The following SGCG variants were observed in gnomAD, a reference collection of about 807,000 sequenced individuals.
SGCG encodes gamma-sarcoglycan.
SGCG carries 26 observed loss-of-function variants against 29.3 expected under a neutral mutation model. That is an observed-to-expected ratio of 0.89 (90% CI 0.65 to 1.23). The LOEUF (loss-of-function observed/expected upper bound fraction) is 1.23, where lower values mean the gene tolerates loss of function less well. SGCG is among the 50% of genes most tolerant of loss of function. The pLI is 0.00. For synonymous variants in SGCG, 145 were observed against 129.7 expected (o/e 1.12, Z -0.80); for missense variants, 353 against 356.0 (o/e 0.99, Z 0.07).
intron 4 of SGCG, among the ~76,000 whole-genome samples, chr13:23,273,147 G>A (rs1342624450): frequency 6.8e-6 from 1 of 147,790 alleles, no homozygotes; most frequent in Non-Finnish European, 1.5e-5. Context: ...GACTCACTTT[G>A]TTGTTCTATT....
the SGCG span, among the ~76,000 whole-genome samples, chr13:23,161,470 T>C: frequency 1.3e-5 from 2 of 152,256 alleles, no homozygotes; most frequent in Non-Finnish European, 2.9e-5. Flanking sequence ...GGCTGTTCCT[T>C]AACACAGGTA....
At chr13:23,247,781 A>AT (rs1209242048) in intron 3 of SGCG, among the ~76,000 whole-genome samples, 1 of 91,288 alleles carries the variant, frequency 1.1e-5, no homozygotes, top group East Asian at 4.0e-4. Flanking sequence ...ACTCATCTCT[A>AT]TTTAAAAAAA....
chr13:23,323,865 AATT>A (rs1175947978), intron 7 of SGCG, among the ~76,000 whole-genome samples: 1 of 152,220 alleles, frequency 6.6e-6, no homozygotes, highest in East Asian at 1.9e-4. Flanking sequence ...CATGGGTAAA[AATT>A]ATTAAGATGA....
intron 5 of SGCG, among the ~76,000 whole-genome samples, chr13:23,285,971 A>C (rs1881482442): frequency 6.6e-6 from 1 of 152,152 alleles, no homozygotes; most frequent in Admixed American, 6.5e-5. Flanking sequence ...GAGATGAGCC[A>C]GGTACCTCAG....
chr13:23,273,867 G>A (rs893696200), intron 4 of SGCG, among the ~76,000 whole-genome samples: 10 of 152,164 alleles, frequency 6.6e-5, no homozygotes, highest in South Asian at 2.1e-4. Flanking sequence ...GGACTTCACC[G>A]TCAGTATATG....
chr13:23,295,006 G>C (rs1881848235), intron 5 of SGCG, among the ~76,000 whole-genome samples: 1 of 152,070 alleles, frequency 6.6e-6, no homozygotes, highest in Non-Finnish European at 1.5e-5. Flanking sequence ...TAAATATCCT[G>C]ACTACCTTAG....
chr13:23,218,180 CAAAT>C (rs1397496360), intron 2 of SGCG, among the ~76,000 whole-genome samples: 3 of 152,148 alleles, frequency 2.0e-5, no homozygotes, highest in African/African-American at 4.8e-5. Flanking sequence ...ACTATTGAAA[CAAAT>C]AAAAAGTTTA....
chr13:23,229,289 A>G (rs1879019573), intron 2 of SGCG, among the ~76,000 whole-genome samples: 2 of 152,164 alleles, frequency 1.3e-5, no homozygotes, highest in African/African-American at 4.8e-5. Flanking sequence ...TAGTAGAACA[A>G]TTTTTATTCT....
intron 1 of SGCG, among the ~76,000 whole-genome samples, chr13:23,197,142 CTGTAGCACAAAGCT>C (rs2137490235): frequency 6.6e-6 from 1 of 151,972 alleles, no homozygotes; most frequent in South Asian, 2.1e-4. Context: ...TTTTTTGTTA[CTGTAGCACAAAGCT>C]GTATCATCAC....
At position 23,295,768 on chromosome 13, in the gene SGCG, T is replaced by C. The variant is rs4411362; in HGVS notation, c.578+281T>C. ...CACACTGGTATCAAAATGACTTTGCTAAATGCAAGCTGGTTAAAATGCTTC... is the reference window on the plus strand; with the variant it reads ...CACACTGGTATCAAAATGACTTTGCCAAATGCAAGCTGGTTAAAATGCTTC... On this transcript the variant is annotated intron_variant, in intron 6 of 7. Transcript: ENST00000218867. 0.37 allele frequency among the ~76,000 whole-genome samples: 55,941 copies of C among 152,106 alleles called. 10,934 individuals carry two copies. The highest frequency in any genetic ancestry group is 0.78 in the East Asian group (4,052 of 5,162).
chr13:23,267,163 C>A (rs1324353763), intron 4 of SGCG, among the ~76,000 whole-genome samples: 1 of 152,152 alleles, frequency 6.6e-6, no homozygotes, highest in Non-Finnish European at 1.5e-5. Flanking sequence ...CAGAAAGATG[C>A]AAGTTGTGCC....
intron 2 of SGCG, among the ~76,000 whole-genome samples, chr13:23,204,605 TTTTCTTTC>T (rs774652916): frequency 0.24 from 36,813 of 150,554 alleles, 4,844 homozygotes; most frequent in Middle Eastern, 0.33. Flanking sequence ...CTTTTCTTTC[TTTTCTTTC>T]TTTTCTTTCT....
chr13:23,309,774 A>T (rs1017586453), intron 6 of SGCG, among the ~76,000 whole-genome samples: 2 of 152,208 alleles, frequency 1.3e-5, no homozygotes, highest in African/African-American at 4.8e-5. Flanking sequence ...ATATGAAATG[A>T]AAGAGCCAGT....
chr13:23,234,519 T>G (rs556503238), intron 2 of SGCG, 92 bp from the exon 3 acceptor site: 413 of 875,288 alleles, frequency 4.7e-4, no homozygotes, highest in Non-Finnish European at 6.0e-5. Flanking sequence ...AGGCAATATA[T>G]GGAAATACAT....
intron 7 of SGCG, among the ~76,000 whole-genome samples, chr13:23,323,324 C>T (rs867773672): frequency 6.6e-5 from 10 of 152,188 alleles, no homozygotes; most frequent in South Asian, 4.1e-4. Flanking sequence ...AGACCATGCA[C>T]GGCACAGAGC....
At position 23,189,279 on chromosome 13, in the gene SGCG, C is replaced by G. The variant is rs141218143; in HGVS notation, c.-1+8204C>G. ...GCAACCTCCGCCTCCTGGGTTCAAA[C>G]AATTTTCTGGCCTCAGCCTCCTGAG... On this transcript the variant is annotated intron_variant, in intron 1 of 7. Coordinates refer to ENST00000218867, the MANE Select transcript of SGCG (RefSeq NM_000231.3). Among the ~76,000 whole-genome samples, 1,191 of 152,310 alleles carry G rather than the reference C, an allele frequency of 7.8e-3. 8 individuals carry two copies. Among genetic ancestry groups the G allele is most frequent in the Non-Finnish European group, 0.011 (739 of 68,026 alleles).
chr13:23,231,423 G>C (rs1192267177), intron 2 of SGCG, among the ~76,000 whole-genome samples: 1 of 151,734 alleles, frequency 6.6e-6, no homozygotes, highest in Non-Finnish European at 1.5e-5. Flanking sequence ...TGAACAGTCA[G>C]CTTTGGCAAT....
intron 6 of SGCG, among the ~76,000 whole-genome samples, chr13:23,311,111 T>G (rs1218779977): frequency 6.6e-6 from 1 of 152,226 alleles, no homozygotes; most frequent in East Asian, 1.9e-4. Context: ...TCCTTTATAG[T>G]CAAGTGCTGG....
chr13:23,300,760 T>G (rs2137655335), intron 6 of SGCG, among the ~76,000 whole-genome samples: 1 of 133,534 alleles, frequency 7.5e-6, no homozygotes, highest in East Asian at 2.2e-4. Flanking sequence ...CCATCACACA[T>G]GACATAAAGA....
Sources: gnomAD v4.1 joint callset for allele counts (sites outside exome capture counted in the v4.1 genomes callset) on GRCh38, gnomAD v4.1.1 for gene constraint, MANE v1.5 for transcripts, NCBI Gene and HGNC (gene_info 2026-07-23, HGNC 2026-07-21) for gene names.